THSD7B: variants seen among roughly 807,000 people sequenced by gnomAD.
THSD7B encodes the protein thrombospondin type 1 domain containing 7B.
Under a neutral mutation model 213.6 loss-of-function variants are expected in THSD7B, and 138 were observed. That is an observed-to-expected ratio of 0.65 (90% confidence interval 0.56 to 0.74). THSD7B has a LOEUF of 0.74. THSD7B is among the 30% of genes least tolerant of loss of function. The pLI, the probability that THSD7B is intolerant of heterozygous loss-of-function variation, is 0.00. For synonymous variants in THSD7B, 742 were observed against 687.0 expected (o/e 1.08, Z -1.25); for missense variants, 1,931 against 1,991.5 (o/e 0.97, Z 0.58).
chr2:136,882,077 A>C, intron 1 of THSD7B, 67 bp from the exon 2 acceptor site: 1 of 1,231,352 alleles, frequency 8.1e-7, no homozygotes. Context: ...AGGTTCTAGC[A>C]GTCAAAATGA....
chr2:137,554,835 G>A (rs1273706761), intron 15 of THSD7B, among the ~76,000 whole-genome samples: 5 of 152,154 alleles, frequency 3.3e-5, no homozygotes, highest in African/African-American at 9.7e-5. Flanking sequence ...TTGGAAAATC[G>A]GGTCACTCCC....
intron 3 of THSD7B, among the ~76,000 whole-genome samples, chr2:137,088,408 G>C (rs1687883170): frequency 6.6e-6 from 1 of 151,854 alleles, no homozygotes; most frequent in Non-Finnish European, 1.5e-5. Flanking sequence ...AATGGTACTG[G>C]GATAATTGGC....
intron 14 of THSD7B, among the ~76,000 whole-genome samples, chr2:137,438,171 A>G (rs1406905474): frequency 6.6e-6 from 1 of 152,168 alleles, no homozygotes; most frequent in Non-Finnish European, 1.5e-5. Flanking sequence ...AAAATTGAAG[A>G]TTGGAGAGGT....
intron 14 of THSD7B, among the ~76,000 whole-genome samples, chr2:137,435,808 C>T (rs1319604509): frequency 6.6e-6 from 1 of 152,140 alleles, no homozygotes; most frequent in African/African-American, 2.4e-5. Flanking sequence ...ACAGTAGCTC[C>T]TGGTTCTGCC....
At chr2:136,857,690 A>T (rs892852474) in intron 1 of THSD7B, among the ~76,000 whole-genome samples, 1 of 152,206 alleles carries the variant, frequency 6.6e-6, no homozygotes, top group African/African-American at 2.4e-5. Flanking sequence ...AGACAGAATT[A>T]TGTGTATCTG....
chr2:136,973,781 G>A (rs1041452693), intron 2 of THSD7B, among the ~76,000 whole-genome samples: 2 of 152,114 alleles, frequency 1.3e-5, no homozygotes, highest in African/African-American at 4.8e-5. Context: ...AATATTTAGG[G>A]TAATATTTTT....
At chr2:137,584,865 A>C (rs1177893184) in intron 17 of THSD7B, among the ~76,000 whole-genome samples, 1 of 152,234 alleles carries the variant, frequency 6.6e-6, no homozygotes, top group African/African-American at 2.4e-5. Flanking sequence ...TGAGTTAGCG[A>C]GGATTCCCTC....
intron 15 of THSD7B, among the ~76,000 whole-genome samples, chr2:137,548,116 T>C (rs940997553): frequency 3.9e-5 from 6 of 152,030 alleles, no homozygotes; most frequent in African/African-American, 1.4e-4. Flanking sequence ...AGAAATTTTC[T>C]TTGCAAATAC....
At chr2:136,957,580 A>G (rs969273789) in intron 2 of THSD7B, among the ~76,000 whole-genome samples, 2 of 151,632 alleles carry the variant, frequency 1.3e-5, no homozygotes, top group Non-Finnish European at 2.9e-5. Flanking sequence ...TGTTATTGCA[A>G]TAAAACCTCC....
At chr2:136,909,890 G>T (rs566103886) in intron 2 of THSD7B, among the ~76,000 whole-genome samples, 10 of 152,216 alleles carry the variant, frequency 6.6e-5, no homozygotes, top group African/African-American at 2.2e-4. Flanking sequence ...TTCCTTAGGG[G>T]TGAGCACAGA....
At chr2:137,569,773 G>A (rs1261072354) in intron 16 of THSD7B, among the ~76,000 whole-genome samples, 1 of 151,580 alleles carries the variant, frequency 6.6e-6, no homozygotes, top group African/African-American at 2.4e-5. Context: ...TGTCCTTGTG[G>A]AGTAATGCCT....
intron 5 of THSD7B, among the ~76,000 whole-genome samples, chr2:137,156,631 G>T (rs1679914823): frequency 6.6e-6 from 1 of 152,140 alleles, no homozygotes; most frequent in South Asian, 2.1e-4. Flanking sequence ...ATCCTCAACA[G>T]GCCTCCAAAA....
At chr2:137,137,893 G>C (rs1013613554) in intron 5 of THSD7B, among the ~76,000 whole-genome samples, 1 of 128,462 alleles carries the variant, frequency 7.8e-6, no homozygotes, top group Admixed American at 8.5e-5. Context: ...TATTTATAAT[G>C]CAATAATGAA....
chr2:137,532,320 CAG>C (rs917271730), intron 15 of THSD7B, among the ~76,000 whole-genome samples: 2 of 151,672 alleles, frequency 1.3e-5, no homozygotes, highest in African/African-American at 2.4e-5. Context: ...ATTCCTAAAA[CAG>C]AAATTCTTTG....
At chr2:137,441,176 G>A (rs1687401832) in intron 14 of THSD7B, among the ~76,000 whole-genome samples, 1 of 152,000 alleles carries the variant, frequency 6.6e-6, no homozygotes, top group South Asian at 2.1e-4. Context: ...TTTAGCCTAA[G>A]GGCAAAGCAT....
intron 14 of THSD7B, among the ~76,000 whole-genome samples, chr2:137,418,925 T>TG (rs70978218): frequency 6.6e-6 from 1 of 151,388 alleles, no homozygotes; most frequent in African/African-American, 2.4e-5. Context: ...TTTTTTTTTT[T>TG]AAGATGGAGT....
intron 17 of THSD7B, among the ~76,000 whole-genome samples, chr2:137,598,297 T>C (rs184186489): frequency 5.3e-5 from 8 of 152,326 alleles, no homozygotes; most frequent in Non-Finnish European, 1.0e-4. Context: ...ATGTCACTGC[T>C]ACATCTGATA....
At chr2:137,158,699 C>A (rs147992206) in intron 5 of THSD7B, among the ~76,000 whole-genome samples, 380 of 151,980 alleles carry the variant, frequency 2.5e-3, no homozygotes, top group African/African-American at 8.9e-3. Flanking sequence ...TTTTGGTGTT[C>A]GAAGTTCTGC....
rs367888843 is a variant in THSD7B, at chr2:137,524,729, A to G, written c.3139-38492A>G. On this transcript the variant is annotated intron_variant, in intron 15 of 27. Coordinates refer to ENST00000409968, the MANE Select transcript of THSD7B (RefSeq NM_001316349.2). ...TCTTCTAAACTGAGGTTATTCTTACATGGGACAACCTTAAGACTGTTCTTA... is the reference window on the plus strand; with the variant it reads ...TCTTCTAAACTGAGGTTATTCTTACGTGGGACAACCTTAAGACTGTTCTTA... 9.8e-5 allele frequency among the ~76,000 whole-genome samples: 15 copies of G among 152,318 alleles called. No individual in the cohort carries two copies. In the East Asian group the frequency reaches 1.5e-3, roughly 16 times the overall value.
Sources: gnomAD v4.1 joint callset for allele counts (sites outside exome capture counted in the v4.1 genomes callset) on GRCh38, gnomAD v4.1.1 for gene constraint, MANE v1.5 for transcripts, NCBI Gene and HGNC (gene_info 2026-07-23, HGNC 2026-07-21) for gene names.